The following PKP4 variants were observed in gnomAD, a reference collection of about 807,000 sequenced individuals.
PKP4 encodes plakophilin 4.
A neutral mutation model predicts 145.1 loss-of-function variants in PKP4; 90 were observed. The observed-to-expected ratio is 0.62, with a 90% CI of 0.52 to 0.74. The LOEUF (loss-of-function observed/expected upper bound fraction) is 0.74. PKP4 is among the 30% of genes least tolerant of loss of function. PKP4 has a pLI of 0.00. For missense variants in PKP4, 1,340 were observed against 1,482.7 expected (o/e 0.90, Z 1.58); for synonymous variants, 563 against 577.2 (o/e 0.98, Z 0.35).
intron 3 of PKP4, among the ~76,000 whole-genome samples, chr2:158,594,778 G>A (rs568007384): frequency 6.6e-6 from 1 of 152,312 alleles, no homozygotes; most frequent in Admixed American, 6.5e-5. Context: ...AAGGAGGATT[G>A]CTTTCAGAAT....
At chr2:158,602,880 G>A (rs1378064340) in intron 3 of PKP4, among the ~76,000 whole-genome samples, 190 bp from the exon 4 acceptor site, 2 of 152,030 alleles carry the variant, frequency 1.3e-5, no homozygotes, top group Non-Finnish European at 2.9e-5. Flanking sequence ...TTTCCAAATA[G>A]AAACAATTTT....
chr2:158,497,536 T>C (rs1171638999), intron 1 of PKP4, among the ~76,000 whole-genome samples: 2 of 152,194 alleles, frequency 1.3e-5, no homozygotes, highest in Admixed American at 1.3e-4. Flanking sequence ...AAAAACAGTC[T>C]GTCAGTTATT....
intron 2 of PKP4, among the ~76,000 whole-genome samples, chr2:158,575,944 G>A (rs554158923): frequency 6.6e-6 from 1 of 152,214 alleles, no homozygotes; most frequent in South Asian, 2.1e-4. Flanking sequence ...TTTATTAAGA[G>A]CCTAGGAATT....
At chr2:158,512,111 CTAT>C (rs1436626445) in intron 1 of PKP4, among the ~76,000 whole-genome samples, 1 of 152,112 alleles carries the variant, frequency 6.6e-6, no homozygotes, top group Non-Finnish European at 1.5e-5. Flanking sequence ...AACACACAAA[CTAT>C]TATTATTTTA....
chr2:158,616,318 C>G (rs1313942884), intron 4 of PKP4, among the ~76,000 whole-genome samples: 3 of 152,180 alleles, frequency 2.0e-5, no homozygotes, highest in Non-Finnish European at 4.4e-5. Context: ...CACCTATGTT[C>G]TCTTCCAGAA....
chr2:158,666,353 A>T, intron 15 of PKP4, 60 bp from the exon 16 acceptor site: 1 of 1,334,388 alleles, frequency 7.5e-7, no homozygotes, highest in Non-Finnish European at 9.9e-7. Context: ...TTTAGGTGAC[A>T]GTAACATATG....
chr2:158,568,592 A>G (rs10187426), intron 2 of PKP4, among the ~76,000 whole-genome samples: 70,663 of 151,952 alleles, frequency 0.47, 17,376 homozygotes, highest in South Asian at 0.67. Context: ...TTTGGACATT[A>G]CCACTGTACA....
chr2:158,523,141 G>GGCCT (rs2042570147), intron 1 of PKP4, among the ~76,000 whole-genome samples: 1 of 152,114 alleles, frequency 6.6e-6, no homozygotes, highest in African/African-American at 2.4e-5. Context: ...AGCTCAAGGA[G>GGCCT]GCCTGCCTGC....
intron 1 of PKP4, among the ~76,000 whole-genome samples, chr2:158,493,657 GAGA>G (rs1239260395): frequency 6.6e-6 from 1 of 152,224 alleles, no homozygotes; most frequent in African/African-American, 2.4e-5. Flanking sequence ...TGAGAGATTT[GAGA>G]AGGTCTCAAG....
intron 11 of PKP4, among the ~76,000 whole-genome samples, chr2:158,650,429 A>G (rs570540402): frequency 1.3e-5 from 2 of 152,332 alleles, no homozygotes; most frequent in South Asian, 4.1e-4. Flanking sequence ...ATGGATCTCT[A>G]AAAGTTGGTA....
At chr2:158,524,435 G>C (rs2042747060) in intron 1 of PKP4, among the ~76,000 whole-genome samples, 1 of 122,078 alleles carries the variant, frequency 8.2e-6, no homozygotes, top group African/African-American at 3.2e-5. Flanking sequence ...CAAATGCTGA[G>C]AGATTTTGTC....
chr2:158,652,744 G>T (rs551943057), intron 11 of PKP4, among the ~76,000 whole-genome samples: 1 of 152,208 alleles, frequency 6.6e-6, no homozygotes, highest in Non-Finnish European at 1.5e-5. Flanking sequence ...AGGAGGTGGG[G>T]AGGATTACAT....
chr2:158,680,758 G>T lies in PKP4; in HGVS notation c.*81G>T. ...GAAAAGTCCATCTTGCTGATTTGAT[G>T]ATTGAAATGTGAAAGTGAAGTGGAA... On this transcript the variant is annotated 3_prime_UTR_variant, in exon 22 of 22. Transcript: ENST00000389759. The T allele has an allele frequency of 8.0e-7, 1 of 1,254,292 alleles. No homozygotes were observed. The allele number at this position is 1,254,292 out of a possible 1,614,324, so 77.7% of individuals were successfully genotyped here.
At chr2:158,495,458 A>T (rs192973991) in intron 1 of PKP4, among the ~76,000 whole-genome samples, 227 of 152,174 alleles carry the variant, frequency 1.5e-3, no homozygotes, top group African/African-American at 5.3e-3. Flanking sequence ...TTTTCTGCTG[A>T]GTCGCTTATA....
chr2:158,646,673 C>G (rs948627140), intron 11 of PKP4, among the ~76,000 whole-genome samples: 6 of 152,184 alleles, frequency 3.9e-5, no homozygotes, highest in African/African-American at 1.4e-4. Context: ...CTTCTTTCTT[C>G]TTTCATTAAA....
At chr2:158,513,522 A>G (rs1249160799) in intron 1 of PKP4, among the ~76,000 whole-genome samples, 1 of 152,174 alleles carries the variant, frequency 6.6e-6, no homozygotes, top group Non-Finnish European at 1.5e-5. Context: ...TCTTTTGCAG[A>G]TGTTGGAGAT....
At chr2:158,488,009 T>C (rs1030310214) in intron 1 of PKP4, among the ~76,000 whole-genome samples, 1 of 152,194 alleles carries the variant, frequency 6.6e-6, no homozygotes, top group Admixed American at 6.5e-5. Flanking sequence ...ATTTCTGATT[T>C]CTTTGCACAG....
At chr2:158,532,460 A>G (rs2043649462) in intron 1 of PKP4, among the ~76,000 whole-genome samples, 1 of 152,232 alleles carries the variant, frequency 6.6e-6, no homozygotes, top group Non-Finnish European at 1.5e-5. Context: ...ACTAGAAGAC[A>G]GAGAGACTGA....
chr2:158,567,638 C>T (rs574882755), intron 2 of PKP4, among the ~76,000 whole-genome samples: 146 of 152,254 alleles, frequency 9.6e-4, no homozygotes, highest in South Asian at 3.9e-3. Flanking sequence ...TGGCACTTAG[C>T]GTAGAGCCTG....
Sources: allele counts gnomAD v4.1 joint callset (sites outside exome capture counted in the v4.1 genomes callset), GRCh38; gene constraint gnomAD v4.1.1; transcripts MANE v1.5; gene names NCBI Gene and HGNC (gene_info 2026-07-23, HGNC 2026-07-21).